Variants in ITPR2 observed in about 807,000 individuals in gnomAD.
ITPR2 encodes the protein inositol 1,4,5-trisphosphate-gated calcium channel ITPR2.
A neutral mutation model predicts 317.1 loss-of-function variants in ITPR2; 207 were observed. That is an observed-to-expected ratio of 0.65 (90% CI 0.58 to 0.73). The LOEUF is 0.73. Among genes scored for constraint, ITPR2 ranks in the 30% least tolerant of loss-of-function variants. ITPR2 has a pLI of 0.00. For synonymous variants in ITPR2, 1,156 were observed against 1,149.1 expected, an observed-to-expected ratio of 1.01 and a Z score of -0.12; for missense variants, 2,613 against 3,284.0, an observed-to-expected ratio of 0.80 and a Z score of 4.99.
intron 2 of ITPR2, among the ~76,000 whole-genome samples, chr12:26,765,247 C>T (rs1412713002): frequency 6.6e-6 from 1 of 152,034 alleles, no homozygotes; most frequent in African/African-American, 2.4e-5. Flanking sequence ...GACTCAACAA[C>T]CTATGTTAAT....
chr12:26,344,354 G>A (rs1291037837), intron 55 of ITPR2, among the ~76,000 whole-genome samples: 1 of 152,136 alleles, frequency 6.6e-6, no homozygotes, highest in East Asian at 1.9e-4. Flanking sequence ...GGGGATTTGG[G>A]AGCATCACAG....
intron 37 of ITPR2, among the ~76,000 whole-genome samples, chr12:26,501,802 G>A (rs189474164): frequency 6.6e-6 from 1 of 152,338 alleles, no homozygotes; most frequent in Non-Finnish European, 1.5e-5. Context: ...AAGTAGAAAA[G>A]TGGATGCAAA....
chr12:26,476,180 C>G (rs1421621466), intron 44 of ITPR2, among the ~76,000 whole-genome samples: 1 of 152,172 alleles, frequency 6.6e-6, no homozygotes, highest in Non-Finnish European at 1.5e-5. Context: ...CAACTCCATT[C>G]TTTACTAATA....
chr12:26,412,745 G>A (rs770944961), intron 51 of ITPR2, among the ~76,000 whole-genome samples: 1 of 152,146 alleles, frequency 6.6e-6, no homozygotes, highest in African/African-American at 2.4e-5. Context: ...ATTCATCAAG[G>A]TAAGGCAGGG....
At chr12:26,391,848 G>A (rs1207154635) in intron 54 of ITPR2, among the ~76,000 whole-genome samples, 1 of 151,998 alleles carries the variant, frequency 6.6e-6, no homozygotes, top group Non-Finnish European at 1.5e-5. Context: ...TTACAGGCAT[G>A]AGCCACCGTG....
intron 51 of ITPR2, among the ~76,000 whole-genome samples, chr12:26,412,040 A>AT (rs1324025953): frequency 1.3e-5 from 2 of 152,178 alleles, no homozygotes; most frequent in Non-Finnish European, 2.9e-5. Context: ...ACAACGTTTT[A>AT]TTTTTTTAAA....
At chr12:26,392,036 C>T (rs531546781) in intron 54 of ITPR2, among the ~76,000 whole-genome samples, 6 of 152,118 alleles carry the variant, frequency 3.9e-5, no homozygotes, top group Admixed American at 3.3e-4. Context: ...CTTTCATCTT[C>T]GTAAGTTCTT....
At chr12:26,747,172 A>C (rs1248396646) in intron 2 of ITPR2, among the ~76,000 whole-genome samples, 1 of 152,154 alleles carries the variant, frequency 6.6e-6, no homozygotes, top group African/African-American at 2.4e-5. Context: ...TTCAAAGAAA[A>C]AGTATTCATG....
intron 45 of ITPR2, among the ~76,000 whole-genome samples, chr12:26,466,895 C>T (rs1942182485): frequency 6.6e-6 from 1 of 152,164 alleles, no homozygotes; most frequent in Admixed American, 6.5e-5. Flanking sequence ...CTACGTTCTG[C>T]ACTACAAGCA....
In ITPR2 at chr12:26,435,885, C is replaced by G. The variant is rs114122262; in HGVS notation, c.6769+336G>C. On this transcript the variant is annotated intron_variant, in intron 48 of 56. Transcript: ENST00000381340. ...ATAAACGCCAGTATTTAGGTAACAA[C>G]AATTAATATTGGGCACAGAACTGTC... Among the ~76,000 whole-genome samples the G allele has an allele frequency of 3.7e-3, 568 of 152,134 alleles. 3 individuals carry two copies. The highest frequency in any genetic ancestry group is 0.013 in the African/African-American group (539 of 41,506).
intron 55 of ITPR2, among the ~76,000 whole-genome samples, chr12:26,364,417 AAATG>A (rs1293381533): frequency 1.3e-5 from 2 of 152,238 alleles, no homozygotes; most frequent in Non-Finnish European, 2.9e-5. Flanking sequence ...ATAAATGAAT[AAATG>A]AATGAACATT....
chr12:26,574,732 G>A (rs1049668426), intron 34 of ITPR2, among the ~76,000 whole-genome samples: 1 of 152,132 alleles, frequency 6.6e-6, no homozygotes, highest in African/African-American at 2.4e-5. Flanking sequence ...TTCTGGTGAG[G>A]CCTCAGGAAG....
chr12:26,631,758 G>T, intron 22 of ITPR2, 108 bp downstream of exon 22: 1 of 896,866 alleles, frequency 1.1e-6, no homozygotes. Context: ...AAATTATATT[G>T]ATAGCATTTC....
chr12:26,415,928 C>T (rs1940706074), intron 50 of ITPR2, among the ~76,000 whole-genome samples: 1 of 152,084 alleles, frequency 6.6e-6, no homozygotes, highest in Non-Finnish European at 1.5e-5. Context: ...TGAATTAGGT[C>T]CTCCTGAGTG....
At chr12:26,395,911 A>AGTG (rs1471781173) in intron 54 of ITPR2, among the ~76,000 whole-genome samples, 1 of 152,228 alleles carries the variant, frequency 6.6e-6, no homozygotes, top group Non-Finnish European at 1.5e-5. Context: ...TTTGTAAAGG[A>AGTG]GTGGTAATAT....
At chr12:26,567,702 A>G (rs1303739565) in intron 34 of ITPR2, among the ~76,000 whole-genome samples, 1 of 151,848 alleles carries the variant, frequency 6.6e-6, no homozygotes, top group African/African-American at 2.4e-5. Context: ...AATTCGCTGC[A>G]CTGTCCAAAT....
intron 55 of ITPR2, among the ~76,000 whole-genome samples, chr12:26,361,954 C>G (rs1322276647): frequency 1.3e-5 from 2 of 152,178 alleles, no homozygotes; most frequent in African/African-American, 4.8e-5. Context: ...TTCTACCCAC[C>G]AAATCCCACT....
chr12:26,448,262 T>C (rs1251749483), intron 45 of ITPR2, among the ~76,000 whole-genome samples: 1 of 151,984 alleles, frequency 6.6e-6, no homozygotes, highest in Non-Finnish European at 1.5e-5. Context: ...AATCAGCTGA[T>C]GTCACTATAC....
chr12:26,356,115 T>C (rs780751310), intron 55 of ITPR2, among the ~76,000 whole-genome samples: 2 of 152,230 alleles, frequency 1.3e-5, no homozygotes, highest in African/African-American at 2.4e-5. Flanking sequence ...AGTTAGATTA[T>C]AGCTTTGCAG....
Sources: gnomAD v4.1 joint callset for allele counts (sites outside exome capture counted in the v4.1 genomes callset) on GRCh38, gnomAD v4.1.1 for gene constraint, MANE v1.5 for transcripts, NCBI Gene and HGNC (gene_info 2026-07-23, HGNC 2026-07-21) for gene names.